ZNF280D: variants seen among roughly 807,000 people sequenced by gnomAD.
The protein encoded by ZNF280D is suppressor of hairy wing homolog 4.
Under a neutral mutation model 94.7 loss-of-function variants are expected in ZNF280D, and 39 were observed. The ratio of observed to expected loss-of-function variants is 0.41; its 90% confidence interval spans 0.32 to 0.54. ZNF280D has a LOEUF of 0.54. ZNF280D is among the 20% of genes least tolerant of loss of function. The probability of loss-of-function intolerance (pLI) is 0.22; values close to 1 mark genes in which losing one functional copy is unlikely to be tolerated. For missense variants in ZNF280D, 1,090 were observed against 1,149.3 expected (o/e 0.95, Z 0.75); for synonymous variants, 398 against 377.6 (o/e 1.05, Z -0.63).
At chr15:56,652,960 A>G (rs2053296898) in intron 19 of ZNF280D, 1 of 913,526 alleles carries the variant, frequency 1.1e-6, no homozygotes, top group Non-Finnish European at 1.3e-6. Context: ...ATAAAAATAG[A>G]CATCATAAAA....
At chr15:56,689,492 G>C (rs777373788) in intron 7 of ZNF280D, 22 bp from the exon 8 acceptor site, 8 of 1,382,618 alleles carry the variant, frequency 5.8e-6, no homozygotes, top group Non-Finnish European at 6.8e-6. Context: ...TAAATAGTGA[G>C]AAAAATATTT....
At chr15:56,666,597 C>G in intron 15 of ZNF280D, 62 bp from the exon 16 acceptor site, 1 of 1,520,490 alleles carries the variant, frequency 6.6e-7, no homozygotes, top group Non-Finnish European at 8.8e-7. Flanking sequence ...TAAGGAAGAG[C>G]CTTAATAATG....
intron 7 of ZNF280D, among the ~76,000 whole-genome samples, chr15:56,691,476 G>A (rs886388207): frequency 5.3e-5 from 8 of 152,114 alleles, no homozygotes; most frequent in Admixed American, 1.3e-4. Flanking sequence ...ACTGCTTTAA[G>A]AATTTTTAAA....
rs1300846490 is a variant in ZNF280D at position 56,642,489 on chromosome 15, T to A, written c.2259+463A>T. 7.9e-5 allele frequency among the ~76,000 whole-genome samples: 12 copies of A among 151,868 alleles called. 1 individual carries two copies. Among genetic ancestry groups the A allele is most frequent in the Admixed American group, 5.3e-4 (8 of 15,228 alleles). On this transcript the variant is annotated intron_variant, in intron 20 of 21. Coordinates refer to ENST00000267807, the MANE Select transcript of ZNF280D (RefSeq NM_017661.4). ...GACTGTCCGGTAAATAACATTTATA[T>A]GATAATTCTGAGTTCTGCATTCAGA...
intron 6 of ZNF280D, chr15:56,700,338 A>G (rs2056989177): frequency 2.2e-6 from 1 of 446,582 alleles, no homozygotes; most frequent in Non-Finnish European, 3.0e-6. Context: ...AAAAATGAGG[A>G]TAATAATAGT....
intron 16 of ZNF280D, among the ~76,000 whole-genome samples, chr15:56,660,881 A>T (rs1010290249): frequency 6.6e-6 from 1 of 152,054 alleles, no homozygotes; most frequent in Non-Finnish European, 1.5e-5. Context: ...CATAAAAGGA[A>T]CAATTTCCTT....
intron 16 of ZNF280D, among the ~76,000 whole-genome samples, chr15:56,664,904 G>A (rs1344702445): frequency 1.3e-5 from 2 of 152,110 alleles, no homozygotes; most frequent in African/African-American, 4.8e-5. Context: ...GATCCTGAGA[G>A]TAAGGTTGAC....
intron 14 of ZNF280D, chr15:56,668,000 A>G (rs557405519): frequency 2.9e-6 from 1 of 346,610 alleles, no homozygotes; most frequent in East Asian, 8.8e-5. Context: ...TGCTTACATT[A>G]GTGTTCTGCA....
intron 13 of ZNF280D, among the ~76,000 whole-genome samples, chr15:56,669,897 TA>T (rs1277853184): frequency 0.045 from 385 of 8,468 alleles, 61 homozygotes; most frequent in South Asian, 0.068. Flanking sequence ...ATTATATATA[TA>T]TATAATATAT....
chr15:56,727,947 T>C (rs1430136161), intron 1 of ZNF280D, among the ~76,000 whole-genome samples: 2 of 152,180 alleles, frequency 1.3e-5, no homozygotes, highest in Non-Finnish European at 2.9e-5. Context: ...ATTTTTACAT[T>C]AAGAATATGG....
Position 56,631,784 on chromosome 15 carries a change from C to T in ZNF280D, c.2654G>A (p.Arg885Gln), listed in dbSNP as rs184815636. 4.3e-4 allele frequency: 699 copies of T among 1,614,108 alleles called. No homozygotes were observed. The highest frequency in any genetic ancestry group is 2.1e-4 in the African/African-American group (16 of 75,074). Reference sequence around the variant, plus strand: ...AATGCTTACATTATCTGATGCTAATCGCAAATCCTTAATATTCTTTGAAGA... The same window carrying T: ...AATGCTTACATTATCTGATGCTAATTGCAAATCCTTAATATTCTTTGAAGA... The part of the protein sequence containing the change: ...RFSSKNIKDL[R>Q]LASDNVSIDQ... The change falls in exon 22 of 22, where the codon CGA (arginine) becomes CAA (glutamine). Residue 885 changes from arginine to glutamine, a missense_variant. Around this residue, in one of 3 missense-constraint regions of ZNF280D, gnomAD observed 577 missense variants for 568.8 expected, o/e 1.01. Transcript: ENST00000267807.
At chr15:56,728,621 G>C (rs1319160692) in intron 1 of ZNF280D, among the ~76,000 whole-genome samples, 1 of 152,154 alleles carries the variant, frequency 6.6e-6, no homozygotes, top group East Asian at 1.9e-4. Context: ...GGAAGCATTT[G>C]AAATTTAGAA....
intron 20 of ZNF280D, among the ~76,000 whole-genome samples, chr15:56,637,093 C>A (rs528188108): frequency 6.6e-6 from 1 of 152,138 alleles, no homozygotes; most frequent in Admixed American, 6.6e-5. Context: ...ACTCCCCAAC[C>A]TAGCACTCTC....
rs1236175835 is a variant in ZNF280D, at chr15:56,697,484, C to T, written c.381+3449G>A. On this transcript the variant is annotated intron_variant, in intron 6 of 21. Transcript: ENST00000267807. ...ACAGGCGTGAGCCACCACGCCCAGC[C>T]ACCTGTTACATTTTTTAAAACATTA... Among the ~76,000 whole-genome samples the T allele has an allele frequency of 2.0e-5, 3 of 152,334 alleles. No individual in the cohort carries two copies. The East Asian group carries it at 5.8e-4, about 29-fold the overall frequency.
intron 20 of ZNF280D, among the ~76,000 whole-genome samples, chr15:56,637,613 A>G (rs1369973125): frequency 6.6e-6 from 1 of 152,184 alleles, no homozygotes; most frequent in Non-Finnish European, 1.5e-5. Flanking sequence ...TCCAGAGGGC[A>G]ACACATTGTA....
intron 19 of ZNF280D, among the ~76,000 whole-genome samples, chr15:56,648,602 C>T (rs1228872043): frequency 2.0e-5 from 3 of 152,022 alleles, no homozygotes; most frequent in South Asian, 2.1e-4. Flanking sequence ...CAGGTATGTG[C>T]GACCTTGGGC....
At chr15:56,708,696 T>C (rs746565323) in intron 1 of ZNF280D, among the ~76,000 whole-genome samples, 55 of 152,032 alleles carry the variant, frequency 3.6e-4, no homozygotes, top group Non-Finnish European at 6.8e-4. Flanking sequence ...CCCTCAGAAA[T>C]AATACCACAT....
chr15:56,720,096 T>C (rs1328047092), intron 1 of ZNF280D, among the ~76,000 whole-genome samples: 8 of 152,146 alleles, frequency 5.3e-5, no homozygotes, highest in Non-Finnish European at 1.0e-4. Flanking sequence ...ACAAAAGGTT[T>C]CTTGGTAGCA....
At chr15:56,678,079 C>T (rs1474845618) in intron 11 of ZNF280D, among the ~76,000 whole-genome samples, 1 of 151,344 alleles carries the variant, frequency 6.6e-6, no homozygotes, top group South Asian at 2.1e-4. Flanking sequence ...GCAATCTCGG[C>T]TTACTGCAAC....
Sources: allele counts gnomAD v4.1 joint callset (sites outside exome capture counted in the v4.1 genomes callset), GRCh38; gene constraint gnomAD v4.1.1; regional missense constraint gnomAD v4.1.1; transcripts MANE v1.5; gene names NCBI Gene and HGNC (gene_info 2026-07-23, HGNC 2026-07-21).